The following LINGO2 variants were observed in gnomAD, a reference collection of about 807,000 sequenced individuals.
The protein encoded by LINGO2 is leucine rich repeat and Ig domain containing 2, also known as leucine-rich repeat and immunoglobulin-like domain-containing nogo receptor-interacting protein 2.
Under a neutral mutation model 30.6 loss-of-function variants are expected in LINGO2, and 14 were observed. The observed-to-expected ratio is 0.46, with a 90% CI of 0.30 to 0.72. The LOEUF is 0.72. Ranked by LOEUF, LINGO2 falls within the 30% of genes least tolerant of loss-of-function variation. The pLI is 0.07. For missense variants in LINGO2, 729 were observed against 751.7 expected, an observed-to-expected ratio of 0.97 and a Z score of 0.35; for synonymous variants, 317 against 288.5, an observed-to-expected ratio of 1.10 and a Z score of -1.00.
the LINGO2 span, among the ~76,000 whole-genome samples, chr9:29,149,208 T>A: frequency 6.6e-6 from 1 of 152,188 alleles, no homozygotes; most frequent in Non-Finnish European, 1.5e-5. Flanking sequence ...ATTTTAATAT[T>A]TCTTAATTTT....
At position 28,357,315 on chromosome 9, in the gene LINGO2, G is replaced by GCCCCC. The variant is rs747187754; in HGVS notation, c.-246+15520_-246+15521insGGGGG. Among the ~76,000 whole-genome samples the GCCCCC allele has an allele frequency of 8.6e-4, 57 of 66,030 alleles. 3 individuals carry two copies. The highest frequency in any genetic ancestry group is 1.3e-3 in the Non-Finnish European group (38 of 28,924). 43.3% of individuals were successfully genotyped at this position (66,030 alleles called of 152,430 possible). On this transcript the variant is annotated intron_variant, in intron 3 of 5. Transcript: ENST00000379992. ...AAAGTCTTTCAGATACAGAAATAAA[G>GCCCCC]CCCACCCCCCCCAAAAAAGAAAGCA...
chr9:28,932,745 T>C, the LINGO2 span, among the ~76,000 whole-genome samples: 1 of 152,112 alleles, frequency 6.6e-6, no homozygotes, highest in African/African-American at 2.4e-5. Context: ...CAACATCTAA[T>C]TGCAAAGTTG....
At chr9:29,153,983 CTTCTA>C in the LINGO2 span, among the ~76,000 whole-genome samples, 1 of 152,254 alleles carries the variant, frequency 6.6e-6, no homozygotes, top group East Asian at 1.9e-4. Flanking sequence ...CACAAACACA[CTTCTA>C]TTCAACTGAT....
rs78801813 is a variant in LINGO2 at position 27,995,660 on chromosome 9, T to A, written c.-36+16695A>T. On this transcript the variant is annotated intron_variant, in intron 5 of 5. Transcript: ENST00000379992. ...AAAAAGCACTTGACTAAATTTTACA[T>A]CACTGCATGGTAAAAACTTTCAACA... 8.8e-3 allele frequency among the ~76,000 whole-genome samples: 1,342 copies of A among 152,294 alleles called. 106 individuals are homozygous for A. In the East Asian group the frequency reaches 0.18, roughly 20 times the overall value.
intron 2 of LINGO2, among the ~76,000 whole-genome samples, chr9:28,420,152 A>G (rs555682973): frequency 1.3e-5 from 2 of 152,210 alleles, no homozygotes; most frequent in East Asian, 3.9e-4. Context: ...TGCCCAAAGA[A>G]AATTATAGCT....
the LINGO2 span, among the ~76,000 whole-genome samples, chr9:28,986,646 G>A: frequency 9.9e-5 from 15 of 152,006 alleles, no homozygotes; most frequent in East Asian, 5.8e-4. Flanking sequence ...ATGGGGTTAT[G>A]TACCTATAAA....
chr9:28,148,684 CT>C lies in LINGO2; in HGVS notation c.-86-136280del, dbSNP rs1489691520. On this transcript the variant is annotated intron_variant, in intron 4 of 5. Transcript: ENST00000379992. The surrounding 1 kb of genome is among the most constrained non-coding windows in gnomAD (Gnocchi z 5.1). ...CCCAGGTGCCTGCAGTGAGTTTCTA[CT>C]CCAACGGCCATGGAGTCGCCAGTTC... 2.6e-6 allele frequency: 4 copies of C among 1,533,646 alleles called. No individual in the cohort carries two copies. The highest frequency in any genetic ancestry group is 2.6e-6 in the Non-Finnish European group (3 of 1,146,152).
At chr9:28,214,810 A>T (rs1820708905) in intron 4 of LINGO2, among the ~76,000 whole-genome samples, 1 of 151,702 alleles carries the variant, frequency 6.6e-6, no homozygotes, top group Non-Finnish European at 1.5e-5. Flanking sequence ...GTGATGCTAG[A>T]GTAAAAAAGA....
chr9:28,054,263 C>T (rs1321442920), intron 4 of LINGO2, among the ~76,000 whole-genome samples: 1 of 152,096 alleles, frequency 6.6e-6, no homozygotes, highest in Non-Finnish European at 1.5e-5. Context: ...CACCTTTTCA[C>T]TTTTCTTACT....
intron 5 of LINGO2, among the ~76,000 whole-genome samples, chr9:28,006,160 A>C (rs1822258160): frequency 6.6e-6 from 1 of 152,200 alleles, no homozygotes; most frequent in Non-Finnish European, 1.5e-5. Context: ...AAGAAAAAAG[A>C]TGGAAAAAAG....
At chr9:28,088,176 A>T (rs1825967688) in intron 4 of LINGO2, among the ~76,000 whole-genome samples, 1 of 146,816 alleles carries the variant, frequency 6.8e-6, no homozygotes, top group African/African-American at 2.5e-5. Context: ...GAGGAGATGA[A>T]GAAATAAGAT....
intron 4 of LINGO2, among the ~76,000 whole-genome samples, chr9:28,214,423 C>T (rs924313997): frequency 6.6e-6 from 1 of 151,512 alleles, no homozygotes; most frequent in African/African-American, 2.4e-5. Context: ...CTTCTGTCTA[C>T]CCGAAGAAAA....
chr9:28,926,784 A>G, the LINGO2 span, among the ~76,000 whole-genome samples: 1 of 152,238 alleles, frequency 6.6e-6, no homozygotes, highest in South Asian at 2.1e-4. Context: ...CAGTTGAAGT[A>G]GAATGGAAGT....
chr9:28,882,901 G>A, the LINGO2 span, among the ~76,000 whole-genome samples: 2 of 152,120 alleles, frequency 1.3e-5, no homozygotes, highest in Non-Finnish European at 2.9e-5. Context: ...CTGAGCTATT[G>A]TAATAGTCTT....
intron 1 of LINGO2, among the ~76,000 whole-genome samples, chr9:28,638,921 A>G (rs1036152095): frequency 2.6e-5 from 4 of 151,990 alleles, no homozygotes; most frequent in Admixed American, 2.0e-4. Flanking sequence ...TAAGGTGTCA[A>G]TTTTAGCTCT....
At chr9:28,773,274 A>C in the LINGO2 span, among the ~76,000 whole-genome samples, 18 of 151,818 alleles carry the variant, frequency 1.2e-4, no homozygotes, top group Middle Eastern at 3.4e-3. Context: ...CTGAGGCAGG[A>C]GAATGGCGTG....
chr9:28,670,632 GT>G (rs1462719511), upstream of LINGO2, among the ~76,000 whole-genome samples: 1 of 152,060 alleles, frequency 6.6e-6, no homozygotes, highest in African/African-American at 2.4e-5. Flanking sequence ...CATTTTTCTA[GT>G]CATGATGCTA....
the LINGO2 span, among the ~76,000 whole-genome samples, chr9:28,688,390 T>A: frequency 7.6e-4 from 115 of 152,260 alleles, no homozygotes; most frequent in Middle Eastern, 6.8e-3. Flanking sequence ...TAAATTAGCT[T>A]GCTTGGGCAC....
At chr9:28,768,017 T>C in the LINGO2 span, among the ~76,000 whole-genome samples, 3 of 152,178 alleles carry the variant, frequency 2.0e-5, no homozygotes, top group African/African-American at 7.2e-5. Flanking sequence ...TGCAGACCTA[T>C]TTAATAATTG....
Sources: gnomAD v4.1 joint callset for allele counts (sites outside exome capture counted in the v4.1 genomes callset) on GRCh38, gnomAD v4.1.1 for gene constraint, Gnocchi (gnomAD v3.1) non-coding constraint, MANE v1.5 for transcripts, NCBI Gene and HGNC (gene_info 2026-07-23, HGNC 2026-07-21) for gene names.